Variants in DZIP1 observed in about 807,000 individuals in gnomAD.
DZIP1 encodes the protein DAZ interacting zinc finger protein 1, also known as cilium assembly protein DZIP1.
In DZIP1, 97 loss-of-function variants were observed where a neutral mutation model predicts 107.6. That is an observed-to-expected ratio of 0.90 (90% CI 0.77 to 1.07). The LOEUF (loss-of-function observed/expected upper bound fraction) is 1.07. Ranked by LOEUF, DZIP1 falls within the 50% of genes least tolerant of loss-of-function variation. DZIP1 has a pLI of 0.00. For synonymous variants in DZIP1, 390 were observed against 386.4 expected (o/e 1.01, Z -0.11); for missense variants, 1,035 against 1,063.6 (o/e 0.97, Z 0.37).
At chr13:95,602,652 T>C (rs2044649715) in intron 14 of DZIP1, among the ~76,000 whole-genome samples, 1 of 152,250 alleles carries the variant, frequency 6.6e-6, no homozygotes, top group Non-Finnish European at 1.5e-5. Flanking sequence ...CACTGAAGAC[T>C]CTCCTGAGCT....
At chr13:95,604,282 CAG>C (rs2044708506) in intron 14 of DZIP1, among the ~76,000 whole-genome samples, 1 of 152,196 alleles carries the variant, frequency 6.6e-6, no homozygotes, top group Non-Finnish European at 1.5e-5. Flanking sequence ...GAACAAAGGA[CAG>C]AGAGTGAACA....
intron 22 of DZIP1, among the ~76,000 whole-genome samples, chr13:95,584,167 G>C (rs2044083620): frequency 6.6e-6 from 1 of 151,558 alleles, no homozygotes; most frequent in South Asian, 2.1e-4. Context: ...AGCAGAGACA[G>C]CGTTTCACCA....
intron 22 of DZIP1, among the ~76,000 whole-genome samples, chr13:95,583,302 C>T (rs1337675657): frequency 3.3e-5 from 5 of 150,270 alleles, no homozygotes; most frequent in African/African-American, 2.4e-5. Context: ...AGTAGGAGTA[C>T]AAAAACAGTG....
At chr13:95,597,761 A>G (rs2044499239) in intron 15 of DZIP1, among the ~76,000 whole-genome samples, 1 of 152,242 alleles carries the variant, frequency 6.6e-6, no homozygotes, top group Non-Finnish European at 1.5e-5. Context: ...ATTTTAAAAA[A>G]ACAACAACCA....
rs939124182 is a variant in DZIP1, at chr13:95,581,351, A to G, written c.*883T>C. 6.6e-6 allele frequency: 1 copy of G among 152,666 alleles called. No individual in the cohort carries two copies. The highest frequency in any genetic ancestry group is 2.4e-5 in the African/African-American group (1 of 41,458). The allele number at this position is 152,666 out of a possible 1,614,324, so 9.5% of individuals were successfully genotyped here. ...TGGGTATTTTAAATAGTAAAAAAAA[A>G]CATACATATGTGAATTCAGTAATGG... On this transcript the variant is annotated 3_prime_UTR_variant, in exon 23 of 23. Transcript: ENST00000376829.
At chr13:95,590,583 G>T (rs1362099957) in intron 16 of DZIP1, 142 bp from the exon 17 acceptor site, 2 of 741,928 alleles carry the variant, frequency 2.7e-6, no homozygotes, top group African/African-American at 3.6e-5. Context: ...GCCCCAACAA[G>T]TAACACACTG....
At chr13:95,584,192 G>C (rs2044084980) in intron 22 of DZIP1, among the ~76,000 whole-genome samples, 2 of 151,260 alleles carry the variant, frequency 1.3e-5, no homozygotes, top group African/African-American at 4.9e-5. Flanking sequence ...GGCCAGGATG[G>C]TCTCAATCTC....
chr13:95,589,242 A>G lies in DZIP1; in HGVS notation c.1974-35T>C, dbSNP rs77912278. The G allele has an allele frequency of 1.7e-3, 2,491 of 1,449,218 alleles. 31 individuals carry two copies. The African/African-American group carries it at 0.029, about 17-fold the overall frequency. 89.8% of individuals were successfully genotyped at this position (1,449,218 alleles called of 1,614,324 possible). On this transcript the variant is annotated intron_variant, in intron 18 of 22. Transcript: ENST00000376829. ...CAACAGAAAAATATTTTTAAATTGC[A>G]TAAGTTAATAATATAATTTCACATA...
intron 6 of DZIP1, among the ~76,000 whole-genome samples, chr13:95,631,780 C>A (rs1877226427): frequency 6.6e-6 from 1 of 152,154 alleles, no homozygotes; most frequent in African/African-American, 2.4e-5. Flanking sequence ...CTCTGCTTTC[C>A]TTCCCAATAA....
chr13:95,582,352 T>C (rs1426709041), intron 22 of DZIP1, 39 bp from the exon 23 acceptor site: 2 of 1,507,302 alleles, frequency 1.3e-6, no homozygotes. Context: ...AAGGCCTCAA[T>C]GGTTAAACAA....
intron 10 of DZIP1, among the ~76,000 whole-genome samples, chr13:95,613,219 G>C (rs765667545): frequency 2.6e-5 from 4 of 152,144 alleles, no homozygotes; most frequent in Non-Finnish European, 5.9e-5. Context: ...AAACAAAGGG[G>C]GGGCGGCTTG....
intron 22 of DZIP1, 134 bp from the exon 23 acceptor site, chr13:95,582,447 C>T: frequency 1.3e-6 from 1 of 752,782 alleles, no homozygotes; most frequent in Non-Finnish European, 2.2e-6. Flanking sequence ...ATCCTCATCT[C>T]CCAACCCTCA....
intron 10 of DZIP1, chr13:95,618,100 A>T (rs990074663): frequency 2.0e-6 from 1 of 510,246 alleles, no homozygotes; most frequent in Non-Finnish European, 3.9e-6. Context: ...AGATGTAAAC[A>T]TGGGCATGAT....
intron 14 of DZIP1, among the ~76,000 whole-genome samples, chr13:95,603,693 G>A (rs2044688852): frequency 6.6e-6 from 1 of 152,104 alleles, no homozygotes; most frequent in Non-Finnish European, 1.5e-5. Flanking sequence ...TTTATTTGAG[G>A]TTTGTCCAGA....
chr13:95,604,202 G>C (rs1594676227), intron 14 of DZIP1, among the ~76,000 whole-genome samples: 1 of 152,196 alleles, frequency 6.6e-6, no homozygotes, highest in African/African-American at 2.4e-5. Context: ...GTTTCCCAGG[G>C]GACCCGACCT....
intron 8 of DZIP1, among the ~76,000 whole-genome samples, chr13:95,623,477 C>T (rs922278962): frequency 1.4e-4 from 22 of 152,180 alleles, no homozygotes; most frequent in Admixed American, 2.6e-4. Flanking sequence ...CACAAAGTCT[C>T]AGACAAAACA....
In DZIP1 at chr13:95,582,316, G is replaced by A. The variant is rs111933681; in HGVS notation, c.2525-3C>T. ...GCTTGATTCATTTTCTTGAAGTCCT[G>A]TAAGTGGTGGGTAGAGGCAGAAGAG... On this transcript the variant is annotated splice_polypyrimidine_tract_variant and splice_region_variant and intron_variant, in intron 22 of 22. Transcript: ENST00000376829. 5 of 1,613,860 alleles carry A rather than the reference G, an allele frequency of 3.1e-6. No individual in the cohort carries two copies. Among genetic ancestry groups the A allele is most frequent in the African/African-American group, 2.7e-5 (2 of 74,912 alleles).
In DZIP1 at chr13:95,641,972, GC is replaced by G; in HGVS notation, c.36+21del. ...CCAGCCCGGCATCCCCGTCGGGGGC[GC>G]CCCGGCCTCCCGCCTCTTACCATGC... On this transcript the variant is annotated intron_variant, in intron 4 of 22. Transcript: ENST00000376829. The surrounding 1 kb of genome is among the most constrained non-coding windows in gnomAD (Gnocchi z 4.3). The G allele has an allele frequency of 6.4e-7, 1 of 1,573,406 alleles. No individual in the cohort carries two copies. The highest frequency in any genetic ancestry group is 1.1e-5 in the South Asian group (1 of 87,710).
At chr13:95,620,097 C>T (rs902977330) in intron 9 of DZIP1, 150 bp from the exon 10 acceptor site, 13 of 735,536 alleles carry the variant, frequency 1.8e-5, no homozygotes, top group Non-Finnish European at 2.2e-5. Context: ...TCGGTCCCCA[C>T]TCAAATCTCA....
Sources: gnomAD v4.1 joint callset for allele counts (sites outside exome capture counted in the v4.1 genomes callset) on GRCh38, gnomAD v4.1.1 for gene constraint, Gnocchi (gnomAD v3.1) non-coding constraint, MANE v1.5 for transcripts, NCBI Gene and HGNC (gene_info 2026-07-23, HGNC 2026-07-21) for gene names.